The following PACSIN2 variants were observed in gnomAD, a reference collection of about 807,000 sequenced individuals.
PACSIN2 encodes the protein protein kinase C and casein kinase substrate in neurons 2.
In PACSIN2, 25 loss-of-function variants were observed where a neutral mutation model predicts 63.8. The observed-to-expected ratio is 0.39, with a 90% confidence interval of 0.29 to 0.55. The LOEUF (loss-of-function observed/expected upper bound fraction) is 0.55. PACSIN2 is among the 20% of genes least tolerant of loss of function. PACSIN2 has a pLI of 0.62. For synonymous variants in PACSIN2, 255 were observed against 256.2 expected, an observed-to-expected ratio of 1.00 and a Z score of 0.05; for missense variants, 518 against 646.9, an observed-to-expected ratio of 0.80 and a Z score of 2.16.
chr22:42,915,246 G>A (rs1931736596), intron 1 of PACSIN2, among the ~76,000 whole-genome samples: 1 of 152,196 alleles, frequency 6.6e-6, no homozygotes, highest in Non-Finnish European at 1.5e-5. Context: ...GTAAGAGCCT[G>A]AATCACTGAG....
At chr22:42,964,310 C>T (rs781545097) in intron 1 of PACSIN2, among the ~76,000 whole-genome samples, 3 of 151,612 alleles carry the variant, frequency 2.0e-5, no homozygotes, top group African/African-American at 4.9e-5. Context: ...CTCAGCTACT[C>T]GAGAGGCTGA....
At chr22:42,965,630 T>C (rs1229082601) in intron 1 of PACSIN2, among the ~76,000 whole-genome samples, 1 of 152,166 alleles carries the variant, frequency 6.6e-6, no homozygotes, top group South Asian at 2.1e-4. Context: ...CCCAAGTGTA[T>C]TTCTTGGGCC....
At chr22:42,990,819 T>C (rs1226895731) in intron 1 of PACSIN2, among the ~76,000 whole-genome samples, 2 of 142,574 alleles carry the variant, frequency 1.4e-5, no homozygotes, top group East Asian at 7.6e-4. Context: ...AAGAGGGCCA[T>C]GGAAACCACT....
intron 1 of PACSIN2, among the ~76,000 whole-genome samples, chr22:42,984,682 G>A (rs1922484766): frequency 6.6e-6 from 1 of 152,184 alleles, no homozygotes; most frequent in South Asian, 2.1e-4. Flanking sequence ...AGAAGGAAAG[G>A]AAAATGAAAT....
chr22:42,946,145 T>C (rs920599276), intron 1 of PACSIN2, among the ~76,000 whole-genome samples: 2 of 152,220 alleles, frequency 1.3e-5, no homozygotes, highest in East Asian at 1.9e-4. Flanking sequence ...CATAGCCAAA[T>C]AGTTTCAAAA....
At chr22:42,884,184 C>T (rs1366269469) in intron 6 of PACSIN2, among the ~76,000 whole-genome samples, 1 of 152,152 alleles carries the variant, frequency 6.6e-6, no homozygotes, top group East Asian at 1.9e-4. Flanking sequence ...GTCCAGCCGG[C>T]CATGCCTGCA....
At chr22:42,947,649 A>G (rs1195581984) in intron 1 of PACSIN2, among the ~76,000 whole-genome samples, 1 of 134,346 alleles carries the variant, frequency 7.4e-6, no homozygotes, top group African/African-American at 2.8e-5. Context: ...ATCTGCATCT[A>G]TGAGTCTTCA....
intron 1 of PACSIN2, among the ~76,000 whole-genome samples, chr22:42,966,006 A>T (rs1920951447): frequency 6.6e-6 from 1 of 152,208 alleles, no homozygotes; most frequent in African/African-American, 2.4e-5. Context: ...CTTTTGGCTG[A>T]GAACAGGGTA....
intron 1 of PACSIN2, among the ~76,000 whole-genome samples, chr22:42,944,274 C>T (rs738393): frequency 0.6 from 91,057 of 151,494 alleles, 27,870 homozygotes; most frequent in East Asian, 0.78. Context: ...TTGTGTTAGG[C>T]TAAGTCTCTG....
intron 1 of PACSIN2, among the ~76,000 whole-genome samples, chr22:42,972,382 G>T (rs529253773): frequency 2.4e-4 from 37 of 152,234 alleles, no homozygotes; most frequent in Non-Finnish European, 4.0e-4. Flanking sequence ...AGGCCGCAGG[G>T]TCCTCTGCCT....
intron 2 of PACSIN2, among the ~76,000 whole-genome samples, chr22:42,900,308 C>T (rs1234414875): frequency 6.6e-6 from 1 of 152,126 alleles, no homozygotes; most frequent in East Asian, 1.9e-4. Context: ...GACTGTAAGC[C>T]TCCCGCCAAA....
rs2267466 is a variant in PACSIN2 at position 42,906,825 on chromosome 22, T to C, written c.60+5196A>G. ...CAATATACACCATGTCTACATTTTG[T>C]GTGTAACATCGGGGTAGGAAAAAGA... On this transcript the variant is annotated intron_variant, in intron 2 of 10. Coordinates refer to ENST00000263246, the MANE Select transcript of PACSIN2 (RefSeq NM_001184970.3). 2.9e-4 allele frequency among the ~76,000 whole-genome samples: 44 copies of C among 152,322 alleles called. No homozygotes were observed. In the East Asian group the frequency reaches 5.8e-3, roughly 20 times the overall value.
At chr22:42,875,129 C>A (rs1602162280) in intron 10 of PACSIN2, among the ~76,000 whole-genome samples, 2 of 150,564 alleles carry the variant, frequency 1.3e-5, no homozygotes, top group East Asian at 3.9e-4. Context: ...GGATTACAGG[C>A]GTGAGCCACC....
At chr22:42,911,931 A>G (rs1931485859) in intron 2 of PACSIN2, 90 bp downstream of exon 2, 4 of 882,584 alleles carry the variant, frequency 4.5e-6, no homozygotes, top group Non-Finnish European at 7.3e-6. Context: ...TGTTCACCTC[A>G]GTTCCCAACC....
intron 1 of PACSIN2, among the ~76,000 whole-genome samples, chr22:42,962,215 G>A (rs559843666): frequency 2.0e-5 from 3 of 149,846 alleles, no homozygotes; most frequent in Non-Finnish European, 4.4e-5. Context: ...GCCCCACTTA[G>A]GGCTGCTGGT....
rs1485108856 is a variant in PACSIN2 at position 42,893,629 on chromosome 22, A to G, written c.61-16T>C. The G allele has an allele frequency of 6.2e-7, 1 of 1,608,408 alleles. No individual in the cohort carries two copies. The highest frequency in any genetic ancestry group is 8.5e-7 in the Non-Finnish European group (1 of 1,175,498). On this transcript the variant is annotated splice_polypyrimidine_tract_variant and intron_variant, in intron 2 of 10. Coordinates refer to ENST00000263246, the MANE Select transcript of PACSIN2 (RefSeq NM_001184970.3). ...AGTTCCCGACCTAGGAGAGAGAACCAGCTGGGAGGCAGGGGGCTTGGGGCA... is the reference window on the plus strand; with the variant it reads ...AGTTCCCGACCTAGGAGAGAGAACCGGCTGGGAGGCAGGGGGCTTGGGGCA...
intron 1 of PACSIN2, among the ~76,000 whole-genome samples, chr22:42,918,998 A>T (rs1931988065): frequency 6.6e-6 from 1 of 152,114 alleles, no homozygotes; most frequent in Admixed American, 6.5e-5. Flanking sequence ...TGCTTCATTC[A>T]TTCTTCCAGG....
In PACSIN2 at chr22:42,984,826, C is replaced by A. The variant is rs79437311; in HGVS notation, c.-78+30195G>T. On this transcript the variant is annotated intron_variant, in intron 1 of 10. Coordinates refer to ENST00000263246, the MANE Select transcript of PACSIN2 (RefSeq NM_001184970.3). ...GGTCTTCCTTCTCAGCACATCAACA[C>A]CCAGCTTAGTAACAATGAGACCCCA... Among the ~76,000 whole-genome samples, 1,236 of 152,242 alleles carry A rather than the reference C, an allele frequency of 8.1e-3. 24 individuals carry two copies. Among genetic ancestry groups the A allele is most frequent in the African/African-American group, 0.029 (1,199 of 41,524 alleles).
intron 1 of PACSIN2, among the ~76,000 whole-genome samples, chr22:42,970,919 G>C (rs920269485): frequency 6.6e-6 from 1 of 152,058 alleles, no homozygotes; most frequent in Non-Finnish European, 1.5e-5. Context: ...GTCAGACAGC[G>C]ACCCAGGCTC....
Sources: allele counts gnomAD v4.1 joint callset (sites outside exome capture counted in the v4.1 genomes callset), GRCh38; gene constraint gnomAD v4.1.1; transcripts MANE v1.5; gene names NCBI Gene and HGNC (gene_info 2026-07-23, HGNC 2026-07-21).